SP140: variants seen among roughly 807,000 people sequenced by gnomAD.
The protein encoded by SP140 is SP140 nuclear body protein, also known as nuclear body protein SP140.
Under a neutral mutation model 125.0 loss-of-function variants are expected in SP140, and 81 were observed. The observed-to-expected ratio is 0.65, with a 90% confidence interval of 0.54 to 0.78. The LOEUF (loss-of-function observed/expected upper bound fraction) is 0.78. SP140 is among the 30% of genes least tolerant of loss of function. SP140 has a pLI of 0.00. For missense variants in SP140, 858 were observed against 1,037.0 expected, an observed-to-expected ratio of 0.83 and a Z score of 2.37; for synonymous variants, 312 against 354.0, an observed-to-expected ratio of 0.88 and a Z score of 1.33.
upstream of SP140, chr2:230,202,595 T>G (rs370278137): frequency 1.9e-6 from 3 of 1,614,108 alleles, no homozygotes; most frequent in Non-Finnish European, 2.5e-6. Flanking sequence ...ATCTCGACTT[T>G]CGGGCACATT....
chr2:230,212,051 T>C (rs1324545466), intron 1 of SP140, among the ~76,000 whole-genome samples: 3 of 152,192 alleles, frequency 2.0e-5, no homozygotes, highest in Non-Finnish European at 4.4e-5. Flanking sequence ...ATCCAAACCA[T>C]ATAAAAATGA....
intron 15 of SP140, among the ~76,000 whole-genome samples, chr2:230,273,982 G>A (rs1004855401): frequency 6.6e-6 from 1 of 151,978 alleles, no homozygotes; most frequent in Admixed American, 6.6e-5. Flanking sequence ...AGGAGGGAGA[G>A]GATCAGGAAA....
chr2:230,207,915 A>G, intron 1 of SP140: 1 of 743,120 alleles, frequency 1.3e-6, no homozygotes, highest in Non-Finnish European at 2.4e-6. Flanking sequence ...ATAAAATTCA[A>G]CCCTCCACAG....
At chr2:230,269,721 G>A in intron 13 of SP140, 103 bp downstream of exon 13, 2 of 1,053,906 alleles carry the variant, frequency 1.9e-6, no homozygotes, top group South Asian at 1.5e-5. Context: ...ATAAGGAGGA[G>A]CAGTGAAAGG....
chr2:230,291,221 CTT>C (rs1185785151), intron 19 of SP140, among the ~76,000 whole-genome samples: 7 of 152,184 alleles, frequency 4.6e-5, no homozygotes, highest in Non-Finnish European at 8.8e-5. Context: ...TAATATGACT[CTT>C]TGGATGTCAA....
intron 22 of SP140, among the ~76,000 whole-genome samples, chr2:230,307,243 C>G (rs528922086): frequency 6.6e-6 from 1 of 152,204 alleles, no homozygotes; most frequent in Non-Finnish European, 1.5e-5. Context: ...TTCTACTGCT[C>G]GGTAAAGCTC....
intron 15 of SP140, among the ~76,000 whole-genome samples, chr2:230,276,361 T>G (rs934797764): frequency 6.6e-6 from 1 of 152,158 alleles, no homozygotes; most frequent in African/African-American, 2.4e-5. Flanking sequence ...TTATTCTAAG[T>G]CTACTCTGCC....
At position 230,248,003 on chromosome 2, in the gene SP140, G is replaced by C. The variant is rs984962283; in HGVS notation, c.830G>C (p.Ser277Thr). The change falls in exon 8 of 27, where the codon AGT becomes ACT. Residue 277 changes from serine to threonine, a missense_variant. Ser to Thr is a moderately conservative substitution (Grantham distance 58). Coordinates refer to ENST00000392045, the MANE Select transcript of SP140 (RefSeq NM_007237.5). ...CAGGGAGAGGAGGAAGGCAGGAACA[G>C]TCCCAGAAAAAGAAACCAAGACAAG... The part of the protein sequence containing the change: ...EKQGEEEGRN[S>T]PRKRNQDKEK... The C allele has an allele frequency of 6.2e-7, 1 of 1,613,688 alleles. No homozygotes were observed. The highest frequency in any genetic ancestry group is 1.3e-5 in the African/African-American group (1 of 74,890).
the SP140 span, among the ~76,000 whole-genome samples, chr2:230,189,908 G>C: frequency 6.6e-6 from 1 of 152,164 alleles, no homozygotes; most frequent in African/African-American, 2.4e-5. Flanking sequence ...GTTCCATGAT[G>C]TATATGTACC....
chr2:230,282,425 T>A (rs1429942283), intron 15 of SP140, among the ~76,000 whole-genome samples: 1 of 152,178 alleles, frequency 6.6e-6, no homozygotes, highest in Non-Finnish European at 1.5e-5. Flanking sequence ...AATTTCCCCA[T>A]GAAGACACCA....
chr2:230,229,456 CTTTTTTTTTTTTTTTTTT>C (rs1163771237), intron 1 of SP140, among the ~76,000 whole-genome samples: 2 of 57,612 alleles, frequency 3.5e-5, no homozygotes, highest in Admixed American at 2.0e-4. Context: ...TGAAGAAATT[CTTTTTTTTTTTTTTTTTT>C]TTTTTTTTTT....
At chr2:230,297,144 T>A (rs536486106) in intron 21 of SP140, among the ~76,000 whole-genome samples, 21 of 152,296 alleles carry the variant, frequency 1.4e-4, no homozygotes, top group African/African-American at 4.6e-4. Context: ...CTATATTTAA[T>A]GGGTTATCAT....
intron 1 of SP140, 30 bp downstream of exon 1, chr2:230,225,933 C>T: frequency 1.3e-6 from 2 of 1,591,994 alleles, no homozygotes; most frequent in Non-Finnish European, 1.7e-6. Context: ...CCCGTCTGTC[C>T]TTCATCTCTG....
In SP140 at chr2:230,269,619, G is replaced by T; in HGVS notation, c.1327+1G>T. On this transcript the variant is annotated splice_donor_variant, in intron 13 of 26. Transcript: ENST00000392045. LOFTEE classifies it high-confidence loss of function. Reference sequence around the variant, plus strand: ...AGCCTGCTATATGATAATGTACCAGGTAATTATGACTTAAAAATAGTGAAA... The same window carrying T: ...AGCCTGCTATATGATAATGTACCAGTTAATTATGACTTAAAAATAGTGAAA... 1.3e-6 allele frequency: 2 copies of T among 1,508,432 alleles called. No homozygotes were observed. The highest frequency in any genetic ancestry group is 1.8e-6 in the Non-Finnish European group (2 of 1,109,472). 93.4% of individuals were successfully genotyped at this position (1,508,432 alleles called of 1,614,324 possible).
At chr2:230,209,879 A>T in intron 1 of SP140, 1 of 1,048,794 alleles carries the variant, frequency 9.5e-7, no homozygotes, top group Non-Finnish European at 1.5e-6. Flanking sequence ...AAAAACAGAA[A>T]GCAACTCTGA....
the SP140 span, among the ~76,000 whole-genome samples, chr2:230,196,698 G>C: frequency 0.79 from 115,994 of 146,372 alleles, 46,129 homozygotes; most frequent in Admixed American, 0.83. Context: ...CCTCCTCCCC[G>C]CACCCCACAA....
At chr2:230,248,477 A>G (rs1368721919) in intron 8 of SP140, among the ~76,000 whole-genome samples, 2 of 152,140 alleles carry the variant, frequency 1.3e-5, no homozygotes, top group Admixed American at 1.3e-4. Context: ...AGGAAAAAAA[A>G]TGCTAATGGG....
intron 11 of SP140, among the ~76,000 whole-genome samples, chr2:230,254,399 C>A (rs896697711): frequency 6.6e-6 from 1 of 152,200 alleles, no homozygotes; most frequent in African/African-American, 2.4e-5. Flanking sequence ...TCTCTCCCCG[C>A]AGCCTCATCT....
intron 22 of SP140, among the ~76,000 whole-genome samples, chr2:230,306,666 G>A (rs2149589949): frequency 6.6e-6 from 1 of 152,396 alleles, no homozygotes; most frequent in Admixed American, 6.5e-5. Context: ...GCCCTGTTGG[G>A]TGTGCACATG....
Sources: gnomAD v4.1 joint callset for allele counts (sites outside exome capture counted in the v4.1 genomes callset) on GRCh38, gnomAD v4.1.1 for gene constraint, MANE v1.5 for transcripts, NCBI Gene and HGNC (gene_info 2026-07-23, HGNC 2026-07-21) for gene names.